The following CCDC93 variants were observed in gnomAD, a reference collection of about 807,000 sequenced individuals.
The protein encoded by CCDC93 is CCC complex scaffolding subunit CCDC93.
A neutral mutation model predicts 108.2 loss-of-function variants in CCDC93; 61 were observed. The observed-to-expected ratio is 0.56, with a 90% confidence interval of 0.46 to 0.70. The LOEUF is 0.70. Ranked by LOEUF, CCDC93 falls within the 30% of genes least tolerant of loss-of-function variation. The pLI is 0.00. For missense variants in CCDC93, 685 were observed against 764.2 expected, an observed-to-expected ratio of 0.90 and a Z score of 1.22; for synonymous variants, 276 against 260.4, an observed-to-expected ratio of 1.06 and a Z score of -0.58.
At chr2:117,988,123 T>C (rs1171850740) in intron 6 of CCDC93, among the ~76,000 whole-genome samples, 2 of 151,202 alleles carry the variant, frequency 1.3e-5, no homozygotes, top group African/African-American at 2.4e-5. Flanking sequence ...CAGATATATA[T>C]ATATATGATA....
chr2:117,938,049 T>C (rs1325271667), intron 20 of CCDC93, among the ~76,000 whole-genome samples: 1 of 152,088 alleles, frequency 6.6e-6, no homozygotes, highest in East Asian at 1.9e-4. Flanking sequence ...GGTGACAAAA[T>C]GAAAACACAT....
intron 17 of CCDC93, among the ~76,000 whole-genome samples, chr2:117,944,996 A>C (rs1283316461): frequency 6.6e-6 from 1 of 152,232 alleles, no homozygotes; most frequent in Non-Finnish European, 1.5e-5. Flanking sequence ...CCTTTGGGCC[A>C]AATATGCCTT....
intron 16 of CCDC93, 37 bp from the exon 17 acceptor site, chr2:117,945,619 G>C: frequency 6.3e-7 from 1 of 1,579,442 alleles, no homozygotes; most frequent in Non-Finnish European, 8.7e-7. Flanking sequence ...CCTCTCCTGA[G>C]CATTCGGGAA....
chr2:117,920,407 A>T lies in CCDC93; in HGVS notation c.1843-11T>A, dbSNP rs201819355. The T allele has an allele frequency of 2.5e-6, 4 of 1,608,988 alleles. No individual in the cohort carries two copies. On this transcript the variant is annotated splice_polypyrimidine_tract_variant and intron_variant, in intron 23 of 23. Transcript: ENST00000376300. ...GTTCTTGCGGCCCTCCTGGAGGGAA[A>T]GCAGAGAGTATAGAGAGAGTGGTGA...
intron 12 of CCDC93, among the ~76,000 whole-genome samples, chr2:117,957,536 C>T (rs1216832186): frequency 6.6e-6 from 1 of 152,178 alleles, no homozygotes; most frequent in Non-Finnish European, 1.5e-5. Context: ...AATTCATGCT[C>T]CTGCAGCAAA....
In CCDC93 at chr2:117,946,774, C is replaced by T. The variant is rs755830193; in HGVS notation, c.1296+37G>A. On this transcript the variant is annotated intron_variant, in intron 16 of 23. Coordinates refer to ENST00000376300, the MANE Select transcript of CCDC93 (RefSeq NM_019044.5). ...TAGAACTATCTTTTTCCCGTAATAG[C>T]ACCTGAGAGTCTCAAGGACTAATTC... is the stretch of plus-strand genomic sequence containing the variant. 1.0e-5 allele frequency: 15 copies of T among 1,436,868 alleles called. No individual in the cohort carries two copies. The South Asian group carries it at 1.7e-4, about 17-fold the overall frequency. The allele number at this position is 1,436,868 out of a possible 1,614,324, so 89.0% of individuals were successfully genotyped here.
At chr2:117,991,758 A>C (rs1168921749) in intron 6 of CCDC93, among the ~76,000 whole-genome samples, 1 of 152,134 alleles carries the variant, frequency 6.6e-6, no homozygotes, top group Non-Finnish European at 1.5e-5. Context: ...GTCTGACCTT[A>C]TTTTATTCCT....
intron 20 of CCDC93, chr2:117,937,040 A>G (rs1678548405): frequency 2.4e-6 from 1 of 420,936 alleles, no homozygotes; most frequent in Non-Finnish European, 4.4e-6. Flanking sequence ...ACACTAAGCT[A>G]ACACTAGGGC....
intron 6 of CCDC93, among the ~76,000 whole-genome samples, chr2:117,989,472 G>C (rs1341609104): frequency 6.6e-6 from 1 of 152,202 alleles, no homozygotes; most frequent in Non-Finnish European, 1.5e-5. Flanking sequence ...CCACCTTGCA[G>C]TCAGGTCGTT....
intron 6 of CCDC93, among the ~76,000 whole-genome samples, chr2:117,993,369 C>T (rs967215599): frequency 7.0e-6 from 1 of 143,868 alleles, no homozygotes; most frequent in South Asian, 2.2e-4. Flanking sequence ...GCACTTCAGC[C>T]TGGGAGACAG....
intron 1 of CCDC93, chr2:118,012,709 T>C (rs770147128): frequency 2.0e-5 from 3 of 152,180 alleles, no homozygotes; most frequent in Admixed American, 6.5e-5. Context: ...ATGTAAGATT[T>C]TACCTAATAC....
At chr2:117,957,382 T>C (rs958410294) in intron 12 of CCDC93, among the ~76,000 whole-genome samples, 2 of 152,188 alleles carry the variant, frequency 1.3e-5, no homozygotes, top group African/African-American at 4.8e-5. Flanking sequence ...CACCAGGTAT[T>C]ACAGAACACC....
At chr2:118,012,103 G>C (rs1463974848) in intron 1 of CCDC93, among the ~76,000 whole-genome samples, 1 of 152,130 alleles carries the variant, frequency 6.6e-6, no homozygotes, top group African/African-American at 2.4e-5. Context: ...AGCTATCTTT[G>C]TAAAGGGTTA....
chr2:117,985,343 C>T (rs1009622475), intron 7 of CCDC93: 1 of 389,370 alleles, frequency 2.6e-6, no homozygotes, highest in African/African-American at 2.2e-5. Flanking sequence ...GAGCAGCACA[C>T]AGGAGCCTCT....
intron 3 of CCDC93, among the ~76,000 whole-genome samples, chr2:118,002,632 G>A (rs540666649): frequency 9.4e-4 from 143 of 152,304 alleles, no homozygotes; most frequent in South Asian, 6.2e-3. Flanking sequence ...ATTCATAGAA[G>A]AGAGGGAGTA....
chr2:117,980,639 A>G (rs539151235), intron 7 of CCDC93, among the ~76,000 whole-genome samples: 1 of 152,324 alleles, frequency 6.6e-6, no homozygotes, highest in East Asian at 1.9e-4. Flanking sequence ...CTTTCTGTTG[A>G]GCCTCTGGAG....
chr2:117,948,177 C>T lies in CCDC93; in HGVS notation c.1152G>A (p.Gln384=). 2 of 1,612,312 alleles carry T rather than the reference C, an allele frequency of 1.2e-6. No individual in the cohort carries two copies. The highest frequency in any genetic ancestry group is 1.7e-6 in the Non-Finnish European group (2 of 1,178,702). Residue 384 remains glutamine (Q), a synonymous_variant, in exon 15 of 24, where the codon CAG becomes CAA. Coordinates refer to ENST00000376300, the MANE Select transcript of CCDC93 (RefSeq NM_019044.5). ...TCATGGCTACAAGTGCTCTCAGGTT[C>T]TGTAGGATACTGAAGAGAAAAGACA... ...IESKADPSIL[Q]NLRALVAMNE...
intron 6 of CCDC93, among the ~76,000 whole-genome samples, chr2:117,994,879 G>A (rs1354054429): frequency 1.3e-5 from 2 of 152,208 alleles, no homozygotes; most frequent in African/African-American, 4.8e-5. Context: ...AGGAAGGCTG[G>A]GGGTGGAGGG....
chr2:117,945,983 G>A lies in CCDC93; in HGVS notation c.1297-401C>T, dbSNP rs17047562. Among the ~76,000 whole-genome samples the A allele has an allele frequency of 4.6e-3, 696 of 152,310 alleles. 8 individuals are homozygous for A. The highest frequency in any genetic ancestry group is 0.016 in the African/African-American group (658 of 41,554). ...GGAGAGGTGGACTGTGCGACGATGA[G>A]CCTGGGATACCACTGCCTCCTAGGC... On this transcript the variant is annotated intron_variant, in intron 16 of 23. Coordinates refer to ENST00000376300, the MANE Select transcript of CCDC93 (RefSeq NM_019044.5).
Sources: allele counts gnomAD v4.1 joint callset (sites outside exome capture counted in the v4.1 genomes callset), GRCh38; gene constraint gnomAD v4.1.1; transcripts MANE v1.5; gene names NCBI Gene and HGNC (gene_info 2026-07-23, HGNC 2026-07-21).